HECW1: variants seen among roughly 807,000 people sequenced by gnomAD.
HECW1 encodes HECT, C2 and WW domain containing E3 ubiquitin protein ligase 1, also known as E3 ubiquitin-protein ligase HECW1.
A neutral mutation model predicts 182.3 loss-of-function variants in HECW1; 61 were observed. The ratio of observed to expected loss-of-function variants is 0.33; its 90% CI spans 0.27 to 0.41. The LOEUF is 0.41. HECW1 is among the 10% of genes least tolerant of loss of function. The pLI, the probability that HECW1 is intolerant of heterozygous loss-of-function variation, is 1.00. For missense variants in HECW1, 1,739 were observed against 2,108.9 expected (o/e 0.82, Z 3.44); for synonymous variants, 859 against 832.6 (o/e 1.03, Z -0.55).
Position 43,563,003 on chromosome 7 carries a change from C to T in HECW1, c.*1077C>T. 5.0e-6 allele frequency: 1 copy of T among 198,172 alleles called. No individual in the cohort carries two copies. Among genetic ancestry groups the T allele is most frequent in the Non-Finnish European group, 1.0e-5 (1 of 95,942 alleles). 12.3% of individuals were successfully genotyped at this position (198,172 alleles called of 1,614,324 possible). A position where few individuals can be genotyped will look rare whatever the true frequency, so the allele number is the denominator to read the frequency against. ...TTTTAAAACTTTGATATTTTTTTTT[C>T]ACATTTTTTTTTCCTTTTCCTTTCT... On this transcript the variant is annotated 3_prime_UTR_variant, in exon 30 of 30. Coordinates refer to ENST00000395891, the MANE Select transcript of HECW1 (RefSeq NM_015052.5).
At position 43,302,954 on chromosome 7, in the gene HECW1, C is replaced by T. The variant is rs546532078; in HGVS notation, c.28-8809C>T. Among the ~76,000 whole-genome samples, 1,163 of 151,994 alleles carry T rather than the reference C, an allele frequency of 7.7e-3. 19 individuals carry two copies. Among genetic ancestry groups the T allele is most frequent in the African/African-American group, 0.027 (1,109 of 41,416 alleles). The stretch of plus-strand genomic sequence containing the variant: ...CCACACACGTGCACACACACATGCG[C>T]GCACACACACACACAGGAATACCAG... On this transcript the variant is annotated intron_variant, in intron 3 of 29. Transcript: ENST00000395891.
chr7:43,196,400 A>G (rs1794462466), intron 2 of HECW1, among the ~76,000 whole-genome samples: 1 of 152,250 alleles, frequency 6.6e-6, no homozygotes, highest in African/African-American at 2.4e-5. Flanking sequence ...TTTCTAAGAC[A>G]ACTATTTCAA....
chr7:43,544,786 G>C (rs1387119588), intron 26 of HECW1, among the ~76,000 whole-genome samples: 3 of 152,138 alleles, frequency 2.0e-5, no homozygotes, highest in Non-Finnish European at 4.4e-5. Flanking sequence ...TTATTAAAAA[G>C]CATGAGGACA....
chr7:43,117,680 C>T (rs1785174150), intron 2 of HECW1, among the ~76,000 whole-genome samples: 1 of 152,138 alleles, frequency 6.6e-6, no homozygotes, highest in East Asian at 1.9e-4. Context: ...TTTTAGGAAG[C>T]AAAGCAGCAT....
chr7:43,480,850 A>G (rs568776902), intron 17 of HECW1, among the ~76,000 whole-genome samples: 123 of 152,258 alleles, frequency 8.1e-4, no homozygotes, highest in African/African-American at 2.8e-3. Context: ...CAGATAGCAA[A>G]CATAAGTCTC....
At chr7:43,148,473 A>G (rs960367578) in intron 2 of HECW1, among the ~76,000 whole-genome samples, 4 of 151,576 alleles carry the variant, frequency 2.6e-5, no homozygotes, top group South Asian at 2.1e-4. Flanking sequence ...CTTTCCATCT[A>G]GTAGCTCTTG....
intron 3 of HECW1, among the ~76,000 whole-genome samples, chr7:43,252,524 C>T (rs115922385): frequency 6.6e-6 from 1 of 152,200 alleles, no homozygotes; most frequent in Non-Finnish European, 1.5e-5. Flanking sequence ...TTGGGAACAC[C>T]CTGGCTTATA....
rs368606583 is a variant in HECW1, at chr7:43,432,240, C to A, written c.802-5763C>A. ...CTGCAAGCTCCGCCTCCCGGGTTCA[C>A]GCCATTCTCCTGCCTCAGCCTCCCA... On this transcript the variant is annotated intron_variant, in intron 8 of 29. Coordinates refer to ENST00000395891, the MANE Select transcript of HECW1 (RefSeq NM_015052.5). The surrounding 1 kb of genome is among the most constrained non-coding windows in gnomAD (Gnocchi z 4.1). 4.7e-5 allele frequency among the ~76,000 whole-genome samples: 7 copies of A among 149,656 alleles called. No individual in the cohort carries two copies. In the South Asian group the frequency reaches 1.5e-3, roughly 32 times the overall value.
chr7:43,491,028 C>T (rs1388195666), intron 17 of HECW1, among the ~76,000 whole-genome samples: 2 of 152,320 alleles, frequency 1.3e-5, no homozygotes, highest in Non-Finnish European at 2.9e-5. Flanking sequence ...GCTGGGATTA[C>T]AGGTGTGAGC....
chr7:43,166,113 T>C (rs989460182), intron 2 of HECW1, among the ~76,000 whole-genome samples: 6 of 152,194 alleles, frequency 3.9e-5, no homozygotes, highest in Non-Finnish European at 8.8e-5. Context: ...AGACAGAGTT[T>C]CACTCTTTCG....
chr7:43,175,187 T>C (rs1165784798), intron 2 of HECW1, among the ~76,000 whole-genome samples: 4 of 151,892 alleles, frequency 2.6e-5, no homozygotes, highest in Admixed American at 2.6e-4. Context: ...CACATACACA[T>C]ACACACACAC....
intron 3 of HECW1, among the ~76,000 whole-genome samples, chr7:43,264,719 C>G (rs1801575760): frequency 6.6e-6 from 1 of 151,874 alleles, no homozygotes; most frequent in African/African-American, 2.4e-5. Context: ...TGGCGGGCAC[C>G]TGTAGTCTCA....
chr7:43,388,069 AT>A (rs1335888414), intron 6 of HECW1, among the ~76,000 whole-genome samples: 1 of 152,216 alleles, frequency 6.6e-6, no homozygotes, highest in African/African-American at 2.4e-5. Context: ...CATTAGAGCA[AT>A]TGATTGCCTC....
At chr7:43,550,657 C>T (rs2081782295) in intron 27 of HECW1, 66 bp downstream of exon 27, 1 of 1,481,250 alleles carries the variant, frequency 6.8e-7, no homozygotes, top group Admixed American at 2.0e-5. Flanking sequence ...GCCTCATCCT[C>T]CAGGCTCCCT....
intron 3 of HECW1, among the ~76,000 whole-genome samples, chr7:43,260,287 T>A (rs143362874): frequency 4.1e-4 from 63 of 152,096 alleles, no homozygotes; most frequent in Admixed American, 2.3e-3. Flanking sequence ...TGAACTAAGA[T>A]CAGAAGCGTG....
intron 7 of HECW1, among the ~76,000 whole-genome samples, chr7:43,400,014 T>C (rs1185512610): frequency 1.3e-5 from 2 of 152,098 alleles, no homozygotes; most frequent in African/African-American, 4.8e-5. Flanking sequence ...GGCAGAAGGA[T>C]TGCTTGAGCC....
intron 3 of HECW1, among the ~76,000 whole-genome samples, chr7:43,252,669 C>T (rs778618204): frequency 1.8e-4 from 27 of 152,310 alleles, no homozygotes; most frequent in Non-Finnish European, 2.6e-4. Flanking sequence ...GTCATACCCA[C>T]GCATTTTGTA....
At chr7:43,295,639 T>C (rs1805953036) in intron 3 of HECW1, among the ~76,000 whole-genome samples, 1 of 151,968 alleles carries the variant, frequency 6.6e-6, no homozygotes, top group African/African-American at 2.4e-5. Context: ...GGAGGAGTGG[T>C]GGAGGAGGGG....
At chr7:43,244,840 C>T (rs112689373) in intron 3 of HECW1, among the ~76,000 whole-genome samples, 53 of 152,352 alleles carry the variant, frequency 3.5e-4, no homozygotes, top group African/African-American at 1.2e-3. Context: ...TTATTAAGCA[C>T]ATCCACATGC....
Sources: gnomAD v4.1 joint callset for allele counts (sites outside exome capture counted in the v4.1 genomes callset) on GRCh38, gnomAD v4.1.1 for gene constraint, Gnocchi (gnomAD v3.1) non-coding constraint, MANE v1.5 for transcripts, NCBI Gene and HGNC (gene_info 2026-07-23, HGNC 2026-07-21) for gene names.